GAB1: variants seen among roughly 807,000 people sequenced by gnomAD.
The protein encoded by GAB1 is GRB2 associated binding protein 1.
GAB1 carries 19 observed loss-of-function variants against 66.5 expected under a neutral mutation model. The ratio of observed to expected loss-of-function variants is 0.29; its 90% CI spans 0.20 to 0.42. The LOEUF (loss-of-function observed/expected upper bound fraction) is 0.42, where lower values mean the gene tolerates loss of function less well. Ranked by LOEUF, GAB1 falls within the 10% of genes least tolerant of loss-of-function variation. The pLI is 1.00. For missense variants in GAB1, 732 were observed against 858.5 expected (o/e 0.85, Z 1.84); for synonymous variants, 294 against 301.4 (o/e 0.98, Z 0.25).
chr4:143,439,428 T>G (rs541715989), intron 4 of GAB1, among the ~76,000 whole-genome samples: 2 of 152,328 alleles, frequency 1.3e-5, no homozygotes, highest in Admixed American at 1.3e-4. Context: ...AGTATCTAAC[T>G]CCTTTCTTGA....
At chr4:143,388,171 G>A (rs1731006531) in intron 1 of GAB1, among the ~76,000 whole-genome samples, 1 of 151,928 alleles carries the variant, frequency 6.6e-6, no homozygotes, top group Non-Finnish European at 1.5e-5. Flanking sequence ...AACTCCCAAG[G>A]CACTTACTGC....
chr4:143,364,868 CTTTTTTTTTT>C (rs745401852), intron 1 of GAB1, among the ~76,000 whole-genome samples: 14 of 86,806 alleles, frequency 1.6e-4, no homozygotes, highest in African/African-American at 5.5e-4. Flanking sequence ...CCTGCATCTA[CTTTTTTTTTT>C]TTTTTTTTTT....
At chr4:143,355,527 A>T (rs1233829804) in intron 1 of GAB1, among the ~76,000 whole-genome samples, 1 of 152,198 alleles carries the variant, frequency 6.6e-6, no homozygotes, top group African/African-American at 2.4e-5. Flanking sequence ...TTGTTGTGCC[A>T]GCCCAATCTC....
At chr4:143,419,919 A>T (rs1053591593) in intron 2 of GAB1, among the ~76,000 whole-genome samples, 7 of 152,156 alleles carry the variant, frequency 4.6e-5, no homozygotes, top group African/African-American at 1.7e-4. Context: ...TTTGATCCAT[A>T]ATGGCGAAAC....
chr4:143,465,982 T>C, intron 8 of GAB1, 121 bp from the exon 9 acceptor site: 1 of 1,045,490 alleles, frequency 9.6e-7, no homozygotes, highest in Non-Finnish European at 1.4e-6. Context: ...TAAAAGGTTG[T>C]TTAACTTTTT....
chr4:143,466,279 A>G, intron 9 of GAB1, 54 bp downstream of exon 9: 1 of 1,542,294 alleles, frequency 6.5e-7, no homozygotes, highest in South Asian at 1.2e-5. Context: ...CACACTTCAA[A>G]CCTGAAGAAT....
intron 1 of GAB1, among the ~76,000 whole-genome samples, chr4:143,400,836 G>A (rs1331133043): frequency 6.6e-6 from 1 of 152,014 alleles, no homozygotes; most frequent in African/African-American, 2.4e-5. Flanking sequence ...GGGTGTGGTG[G>A]CATGCACCTG....
At chr4:143,441,018 T>C (rs1473168431) in intron 6 of GAB1, among the ~76,000 whole-genome samples, 1 of 152,202 alleles carries the variant, frequency 6.6e-6, no homozygotes, top group Non-Finnish European at 1.5e-5. Context: ...ATCTTTCCAT[T>C]CTGTTCATAT....
chr4:143,352,494 C>T (rs373547950), intron 1 of GAB1, among the ~76,000 whole-genome samples: 4 of 152,132 alleles, frequency 2.6e-5, no homozygotes, highest in Non-Finnish European at 5.9e-5. Flanking sequence ...TGGCAGAGTC[C>T]TTGTGTCATT....
At chr4:143,353,346 T>A (rs991002190) in intron 1 of GAB1, among the ~76,000 whole-genome samples, 1 of 152,246 alleles carries the variant, frequency 6.6e-6, no homozygotes, top group Non-Finnish European at 1.5e-5. Flanking sequence ...GAAGAAGCTC[T>A]CTTGCTTTCC....
chr4:143,373,886 T>TATATATATATA (rs1560726035), intron 1 of GAB1, among the ~76,000 whole-genome samples: 14 of 128,210 alleles, frequency 1.1e-4, no homozygotes, highest in South Asian at 2.4e-4. Flanking sequence ...TATATATATA[T>TATATATATATA]TTTTACCTTT....
intron 2 of GAB1, among the ~76,000 whole-genome samples, chr4:143,417,769 C>T (rs531311874): frequency 2.0e-5 from 3 of 152,240 alleles, no homozygotes; most frequent in Non-Finnish European, 2.9e-5. Context: ...TTTAAACAAA[C>T]GCTCAACATG....
At position 143,354,736 on chromosome 4, in the gene GAB1, CTTTGT is replaced by C. The variant is rs528714331; in HGVS notation, c.72+17480_72+17484del. 1.6e-3 allele frequency among the ~76,000 whole-genome samples: 247 copies of C among 152,170 alleles called. 1 individual carries two copies. The highest frequency in any genetic ancestry group is 2.5e-3 in the Non-Finnish European group (172 of 67,970). ...TGTAGTACATTGTTATTCATTATTT[CTTTGT>C]TTTAAGTTATAATTTTTAATACTCA... On this transcript the variant is annotated intron_variant, in intron 1 of 9. Coordinates refer to ENST00000262994, the MANE Select transcript of GAB1 (RefSeq NM_002039.4).
chr4:143,387,214 C>A (rs71610440), intron 1 of GAB1, among the ~76,000 whole-genome samples: 4,420 of 152,314 alleles, frequency 0.029, 74 homozygotes, highest in South Asian at 0.06. Context: ...TCATCACAAC[C>A]TCTGCCTCCT....
At chr4:143,420,361 CAAAAG>C (rs1732947663) in intron 2 of GAB1, among the ~76,000 whole-genome samples, 1 of 152,012 alleles carries the variant, frequency 6.6e-6, no homozygotes, top group Non-Finnish European at 1.5e-5. Context: ...CCCCTGAAAA[CAAAAG>C]GAAAAGGGAA....
chr4:143,457,665 CT>C, intron 6 of GAB1: 2 of 1,021,096 alleles, frequency 2.0e-6, no homozygotes, highest in Non-Finnish European at 1.3e-6. Context: ...AGAGAGTCTT[CT>C]TTTTACCAAT....
rs746223732 is a variant in GAB1 at position 143,459,380 on chromosome 4, T to C, written c.1586-5T>C. The C allele has an allele frequency of 6.3e-7, 1 of 1,577,306 alleles. No individual in the cohort carries two copies. The highest frequency in any genetic ancestry group is 2.2e-5 in the East Asian group (1 of 44,620). ...AAAAATCTCTTTTTCTCTTTTTCTT[T>C]TCAGTCAAGCCAGCGCCTTTAGAAA... is the stretch of plus-strand genomic sequence containing the variant. On this transcript the variant is annotated splice_region_variant and splice_polypyrimidine_tract_variant and intron_variant, in intron 6 of 9. Coordinates refer to ENST00000262994, the MANE Select transcript of GAB1 (RefSeq NM_002039.4).
intron 1 of GAB1, among the ~76,000 whole-genome samples, chr4:143,385,787 G>A (rs965253622): frequency 1.4e-4 from 21 of 152,106 alleles, no homozygotes; most frequent in African/African-American, 4.8e-4. Context: ...AGCAAACAGT[G>A]GTCTGAGTGC....
chr4:143,373,440 T>C (rs1730237777), intron 1 of GAB1, among the ~76,000 whole-genome samples: 1 of 152,212 alleles, frequency 6.6e-6, no homozygotes, highest in African/African-American at 2.4e-5. Flanking sequence ...ATGTCATCCA[T>C]TTTACATTTC....
Sources: gnomAD v4.1 joint callset for allele counts (sites outside exome capture counted in the v4.1 genomes callset) on GRCh38, gnomAD v4.1.1 for gene constraint, MANE v1.5 for transcripts, NCBI Gene and HGNC (gene_info 2026-07-23, HGNC 2026-07-21) for gene names.